Variants in CDK11B observed in about 807,000 individuals in gnomAD.
CDK11B encodes the protein cyclin dependent kinase 11B.
Under a neutral mutation model 84.0 loss-of-function variants are expected in CDK11B, and 37 were observed. That is an observed-to-expected ratio of 0.44 (90% confidence interval 0.34 to 0.58). CDK11B has a LOEUF of 0.58. Among genes scored for constraint, CDK11B ranks in the 20% least tolerant of loss-of-function variants. The probability of loss-of-function intolerance (pLI) is 0.02; values close to 1 mark genes in which losing one functional copy is unlikely to be tolerated. For synonymous variants in CDK11B, 269 were observed against 309.8 expected (o/e 0.87, Z 1.38); for missense variants, 427 against 834.0 (o/e 0.51, Z 6.01).
chr1:1,654,024 A>G (rs555324340), intron 3 of CDK11B: 26 of 407,472 alleles, frequency 6.4e-5, no homozygotes, highest in South Asian at 4.5e-4. Flanking sequence ...AACAACAACA[A>G]CAACAAAACA....
In CDK11B at chr1:1,650,448, C is replaced by T. The variant is rs1213283932; in HGVS notation, c.356-811G>A. Among the ~76,000 whole-genome samples, 436 of 145,696 alleles carry T rather than the reference C, an allele frequency of 3.0e-3. 3 individuals are homozygous for T. Among genetic ancestry groups the T allele is most frequent in the African/African-American group, 0.011 (412 of 39,000 alleles). ...TGGCGCAATCTCGGCTCACTGCAAG[C>T]TCCGCCTCCCGTGTTCACACCATTC... On this transcript the variant is annotated intron_variant, in intron 4 of 19. Transcript: ENST00000341832.
chr1:1,641,303 G>C, intron 9 of CDK11B, among the ~76,000 whole-genome samples, 190 bp from the exon 10 acceptor site: 1 of 147,268 alleles, frequency 6.8e-6, no homozygotes, highest in Non-Finnish European at 1.5e-5. Context: ...GAGGTCAGGA[G>C]TTCGAGACCA....
At chr1:1,649,870 C>G (rs1290529372) in intron 4 of CDK11B, among the ~76,000 whole-genome samples, 1 of 146,228 alleles carries the variant, frequency 6.8e-6, no homozygotes, top group Non-Finnish European at 1.5e-5. Context: ...AGCTACTAAG[C>G]GAGGCTGAGG....
At chr1:1,650,400 C>T (rs1641832891) in intron 4 of CDK11B, among the ~76,000 whole-genome samples, 2 of 127,112 alleles carry the variant, frequency 1.6e-5, no homozygotes, top group Admixed American at 8.3e-5. Context: ...GAGTCTTGCT[C>T]TGTCGCCCAG....
At chr1:1,641,155 C>T (rs374342868) in intron 9 of CDK11B, 42 bp from the exon 10 acceptor site, 2 of 1,485,992 alleles carry the variant, frequency 1.3e-6, no homozygotes, top group South Asian at 1.3e-5. Flanking sequence ...AGCACCGGGG[C>T]GAGTGCTGCC....
Position 1,639,691 on chromosome 1 carries a change from G to C in CDK11B, c.1251+586C>G, listed in dbSNP as rs375849165. Among the ~76,000 whole-genome samples the C allele has an allele frequency of 3.3e-5, 5 of 152,070 alleles. No homozygotes were observed. In the South Asian group the frequency reaches 6.2e-4, roughly 19 times the overall value. On this transcript the variant is annotated intron_variant, in intron 11 of 19. Coordinates refer to ENST00000341832, the MANE Select transcript of CDK11B (RefSeq NM_033486.3). ...ACAGAGGCCTGCTGCATGCGCCAGA[G>C]AGAACCTCTCCGCCCACAGGCACCA...
At chr1:1,637,289 G>A in intron 14 of CDK11B, 87 bp from the exon 15 acceptor site, 2 of 1,572,360 alleles carry the variant, frequency 1.3e-6, no homozygotes, top group South Asian at 1.1e-5. Context: ...CAGCAACAGA[G>A]GCTTCTCAGG....
Position 1,636,727 on chromosome 1 carries a change from CAG to C in CDK11B, c.1870_1871del (p.Leu624ValfsTer21), listed in dbSNP as rs1249330964. ...IFGELLTQKP[L>X]FPGKSEIDQI... ...GATCGATTTCTGACTTCCCGGGGAA[CAG>C]AGGCTTCTGAGTCAGCAGCTCCCCG... On this transcript the variant is annotated frameshift_variant, in exon 17 of 20. Transcript: ENST00000341832. LOFTEE classifies it high-confidence loss of function. 2 of 1,613,878 alleles carry C rather than the reference CAG, an allele frequency of 1.2e-6. No individual in the cohort carries two copies.
At chr1:1,656,691 G>A (rs1182204030) in intron 2 of CDK11B, among the ~76,000 whole-genome samples, 1 of 152,150 alleles carries the variant, frequency 6.6e-6, no homozygotes, top group African/African-American at 2.4e-5. Flanking sequence ...TTGGGAGGCT[G>A]AGGCAGGAGA....
At chr1:1,648,337 A>G (rs1641441928) in intron 5 of CDK11B, among the ~76,000 whole-genome samples, 2 of 152,222 alleles carry the variant, frequency 1.3e-5, no homozygotes, top group Non-Finnish European at 2.9e-5. Context: ...TGTGGCATAC[A>G]TGAATGTTTC....
In CDK11B at chr1:1,658,931, T is replaced by TGCCGCCGCCGCC. The variant is rs532220148; in HGVS notation, c.-43_-32dup. 2.0e-5 allele frequency: 4 copies of TGCCGCCGCCGCC among 195,674 alleles called. 1 individual carries two copies. Among genetic ancestry groups the TGCCGCCGCCGCC allele is most frequent in the South Asian group, 6.7e-5 (1 of 14,888 alleles). 12.1% of individuals were successfully genotyped at this position (195,674 alleles called of 1,614,324 possible). ...GAACTCACCCCTACGCCGCCGCCGC[T>TGCCGCCGCCGCC]GCCGCCGCCGCCGCCGCCGGTCCCG... On this transcript the variant is annotated 5_prime_UTR_variant, in exon 1 of 20. Transcript: ENST00000341832.
chr1:1,655,233 C>T (rs1642585933), intron 3 of CDK11B, 136 bp downstream of exon 3: 1 of 1,111,358 alleles, frequency 9.0e-7, no homozygotes, highest in African/African-American at 1.6e-5. Flanking sequence ...AATAGTTACG[C>T]TATGTCACAG....
intron 5 of CDK11B, chr1:1,645,786 G>A (rs1373507796): frequency 2.9e-6 from 1 of 340,178 alleles, no homozygotes; most frequent in South Asian, 2.4e-5. Context: ...TATCATTGCT[G>A]TATCTTCCTG....
rs1639162607 is a variant in CDK11B, at chr1:1,635,470, C to A, written c.*294G>T. The A allele has an allele frequency of 3.4e-6, 1 of 294,022 alleles. No individual in the cohort carries two copies. Among genetic ancestry groups the A allele is most frequent in the African/African-American group, 4.6e-5 (1 of 21,656 alleles). The allele number at this position is 294,022 out of a possible 1,614,324, so 18.2% of individuals were successfully genotyped here. On this transcript the variant is annotated 3_prime_UTR_variant, in exon 20 of 20. Coordinates refer to ENST00000341832, the MANE Select transcript of CDK11B (RefSeq NM_033486.3). ...GTTCCTTTCCAAATCACGGCCCAGC[C>A]AGCCCCGTGCGTGTCGAGAGTGGGA...
chr1:1,656,617 A>C (rs1229008184), intron 2 of CDK11B, among the ~76,000 whole-genome samples: 1 of 152,118 alleles, frequency 6.6e-6, no homozygotes, highest in East Asian at 1.9e-4. Flanking sequence ...GTGAGACCCC[A>C]TCTCTACTAA....
intron 3 of CDK11B, among the ~76,000 whole-genome samples, chr1:1,654,681 C>T (rs1642490809): frequency 6.8e-6 from 1 of 147,716 alleles, no homozygotes; most frequent in South Asian, 2.1e-4. Flanking sequence ...TTTTTAGAGG[C>T]GGGGTCTTGC....
chr1:1,636,229 C>T (rs1393938465), intron 18 of CDK11B, 103 bp from the exon 19 acceptor site: 5 of 1,172,218 alleles, frequency 4.3e-6, no homozygotes, highest in South Asian at 1.4e-5. Flanking sequence ...GGACGCCAGG[C>T]ACCAGAGCAG....
chr1:1,638,718 G>C, intron 11 of CDK11B, 128 bp from the exon 12 acceptor site: 2 of 905,262 alleles, frequency 2.2e-6, no homozygotes, highest in South Asian at 1.4e-5. Flanking sequence ...TGGGCCGGGG[G>C]TGGAGCCGGG....
intron 11 of CDK11B, among the ~76,000 whole-genome samples, chr1:1,639,711 G>A (rs1464766573): frequency 6.6e-6 from 1 of 151,992 alleles, no homozygotes. Flanking sequence ...CCGCCCACAG[G>A]CACCAAGGAG....
Sources: allele counts gnomAD v4.1 joint callset (sites outside exome capture counted in the v4.1 genomes callset), GRCh38; gene constraint gnomAD v4.1.1; transcripts MANE v1.5; gene names NCBI Gene and HGNC (gene_info 2026-07-23, HGNC 2026-07-21).